BTBD2: variants seen among roughly 807,000 people sequenced by gnomAD.
BTBD2 encodes BTB domain containing 2.
In BTBD2, 15 loss-of-function variants were observed where a neutral mutation model predicts 44.0. That is an observed-to-expected ratio of 0.34 (90% confidence interval 0.23 to 0.53). BTBD2 has a LOEUF of 0.53. BTBD2 is among the 20% of genes least tolerant of loss of function. The pLI is 0.95. For synonymous variants in BTBD2, 443 were observed against 335.9 expected (o/e 1.32, Z -3.49); for missense variants, 657 against 746.4 (o/e 0.88, Z 1.39).
chr19:1,989,927 C>T, intron 5 of BTBD2, 77 bp downstream of exon 5: 1 of 1,518,098 alleles, frequency 6.6e-7, no homozygotes, highest in Non-Finnish European at 9.0e-7. Context: ...AACTCGGGGG[C>T]ACTATCCTCG....
At chr19:2,006,713 A>C (rs1319760518) in intron 1 of BTBD2, among the ~76,000 whole-genome samples, 1 of 150,474 alleles carries the variant, frequency 6.6e-6, no homozygotes, top group Non-Finnish European at 1.5e-5. Context: ...TCTGAGACGG[A>C]GTTTCACTCT....
chr19:1,988,303 AG>A, intron 5 of BTBD2: 1 of 152,646 alleles, frequency 6.6e-6, no homozygotes, highest in Non-Finnish European at 1.5e-5. Flanking sequence ...GGCTCTGGGT[AG>A]GGAGGGGAGG....
At chr19:1,992,380 A>C (rs2016191490) in intron 3 of BTBD2, among the ~76,000 whole-genome samples, 1 of 151,644 alleles carries the variant, frequency 6.6e-6, no homozygotes. Context: ...GATTACAGGC[A>C]TGAACCACAG....
chr19:1,992,966 C>G, intron 3 of BTBD2, 54 bp downstream of exon 3: 1 of 905,526 alleles, frequency 1.1e-6, no homozygotes, highest in Non-Finnish European at 1.5e-6. Context: ...CCCACCCCGG[C>G]CCCGCCTCCA....
chr19:2,002,144 C>A (rs1049972305), intron 1 of BTBD2, among the ~76,000 whole-genome samples: 1 of 152,104 alleles, frequency 6.6e-6, no homozygotes. Context: ...TGCAGTGGCA[C>A]GATCATAGCT....
intron 1 of BTBD2, among the ~76,000 whole-genome samples, chr19:2,006,594 A>G (rs112334964): frequency 0.013 from 1,984 of 152,164 alleles, 38 homozygotes; most frequent in African/African-American, 0.044. Flanking sequence ...ATCACTTGAC[A>G]AACTGATTCT....
In BTBD2 at chr19:1,987,154, T is replaced by G. The variant is rs540076203; in HGVS notation, c.1269+12A>C. ...CTGAGTGGGGCCTGGGGATGAGGCT[T>G]GGGGCTGGTACCTGGATGTTCACTT... is the stretch of plus-strand genomic sequence containing the variant. On this transcript the variant is annotated intron_variant, in intron 7 of 8. Transcript: ENST00000255608. The G allele has an allele frequency of 1.7e-4, 270 of 1,612,836 alleles. 1 individual carries two copies. The South Asian group carries it at 2.8e-3, about 17-fold the overall frequency.
chr19:1,997,341 T>C lies in BTBD2; in HGVS notation c.527+3A>G. Reference sequence around the variant, plus strand: ...CCCAGCAGGAAGCATCCGGAAGCATTACTTGAGCAGTGCGAGGAAGGCAGC... The same window carrying C: ...CCCAGCAGGAAGCATCCGGAAGCATCACTTGAGCAGTGCGAGGAAGGCAGC... On this transcript the variant is annotated splice_donor_region_variant and intron_variant, in intron 2 of 8. Coordinates refer to ENST00000255608, the MANE Select transcript of BTBD2 (RefSeq NM_017797.4). 14 of 1,614,094 alleles carry C rather than the reference T, an allele frequency of 8.7e-6. No individual in the cohort carries two copies. Among genetic ancestry groups the C allele is most frequent in the Non-Finnish European group, 1.2e-5 (14 of 1,180,016 alleles).
chr19:2,008,589 C>CTTTTTTTT (rs34228593), intron 1 of BTBD2, among the ~76,000 whole-genome samples: 10 of 126,596 alleles, frequency 7.9e-5, no homozygotes, highest in Admixed American at 3.3e-4. Flanking sequence ...CTGTGCCCAG[C>CTTTTTTTT]TTTTTTTTTT....
intron 2 of BTBD2, among the ~76,000 whole-genome samples, chr19:1,995,234 T>C (rs933547534): frequency 6.7e-6 from 1 of 150,262 alleles, no homozygotes; most frequent in Non-Finnish European, 1.5e-5. Context: ...CCCAAAGTGC[T>C]GGGATTACAG....
chr19:2,008,589 C>CTTTTTTT (rs34228593), intron 1 of BTBD2, among the ~76,000 whole-genome samples: 7 of 126,596 alleles, frequency 5.5e-5, no homozygotes, highest in East Asian at 2.3e-4. Context: ...CTGTGCCCAG[C>CTTTTTTT]TTTTTTTTTT....
At chr19:2,005,998 G>C (rs2016389661) in intron 1 of BTBD2, among the ~76,000 whole-genome samples, 2 of 151,588 alleles carry the variant, frequency 1.3e-5, no homozygotes, top group Admixed American at 1.3e-4. Context: ...TAAGGTGGGA[G>C]GACTGTTTGA....
intron 1 of BTBD2, among the ~76,000 whole-genome samples, chr19:2,005,758 G>GTGT (rs1207950219): frequency 1.3e-5 from 2 of 149,392 alleles, no homozygotes; most frequent in Admixed American, 1.3e-4. Flanking sequence ...CTCCAGCCTG[G>GTGT]GAACAAGAGC....
In BTBD2 at chr19:2,004,288, C is replaced by CT. The variant is rs60580646; in HGVS notation, c.408-6826dup. 4.0e-3 allele frequency among the ~76,000 whole-genome samples: 532 copies of CT among 133,478 alleles called. 8 individuals are homozygous for CT. The East Asian group carries it at 0.042, about 11-fold the overall frequency. The allele number at this position is 133,478 out of a possible 152,430, so 87.6% of individuals were successfully genotyped here. A position where few individuals can be genotyped will look rare whatever the true frequency, so the allele number is the denominator to read the frequency against. On this transcript the variant is annotated intron_variant, in intron 1 of 8. Transcript: ENST00000255608. ...ACATCCTTAATGTTGGCAAAACAAA[C>CT]TTTTTTTTTTTTTTTTTTGAGATGG...
At chr19:1,996,688 A>G (rs2016255772) in intron 2 of BTBD2, among the ~76,000 whole-genome samples, 1 of 151,048 alleles carries the variant, frequency 6.6e-6, no homozygotes, top group South Asian at 2.1e-4. Flanking sequence ...GTCTGAGACC[A>G]GCCTGGCCAA....
rs1374072088 is a variant in BTBD2, at chr19:1,987,379, G to GC, written c.1181+120dup. On this transcript the variant is annotated intron_variant, in intron 6 of 8. Transcript: ENST00000255608. ...GAGTCCTCCACCCCCATGCCCGGCGGCCCCCCCGCCGTCTTCATCATCCCT... is the reference window on the plus strand; with the variant it reads ...GAGTCCTCCACCCCCATGCCCGGCGGCCCCCCCCGCCGTCTTCATCATCCCT... 4.4e-5 allele frequency: 61 copies of GC among 1,371,264 alleles called. 1 individual carries two copies. The East Asian group carries it at 7.2e-4, about 16-fold the overall frequency. The allele number at this position is 1,371,264 out of a possible 1,614,324, so 84.9% of individuals were successfully genotyped here. A position where few individuals can be genotyped will look rare whatever the true frequency, so the allele number is the denominator to read the frequency against.
chr19:2,005,773 C>G (rs2016387182), intron 1 of BTBD2, among the ~76,000 whole-genome samples: 1 of 135,566 alleles, frequency 7.4e-6, no homozygotes, highest in African/African-American at 3.0e-5. Flanking sequence ...AAGAGCAAAA[C>G]TCCGTCTCAA....
intron 1 of BTBD2, among the ~76,000 whole-genome samples, chr19:2,012,744 CT>C (rs1388549759): frequency 6.6e-6 from 1 of 152,190 alleles, no homozygotes; most frequent in East Asian, 1.9e-4. Context: ...CCCTCACCTA[CT>C]TTTCTCCAAG....
At position 2,001,275 on chromosome 19, in the gene BTBD2, T is replaced by C. The variant is rs150185572; in HGVS notation, c.408-3812A>G. On this transcript the variant is annotated intron_variant, in intron 1 of 8. Coordinates refer to ENST00000255608, the MANE Select transcript of BTBD2 (RefSeq NM_017797.4). ...CACTTTGGGGGGCCGAGGCAGTGGA[T>C]CACGAGGTCAGGAGATCAAGACCAT... Among the ~76,000 whole-genome samples the C allele has an allele frequency of 4.9e-3, 738 of 151,804 alleles. 5 individuals carry two copies. The highest frequency in any genetic ancestry group is 0.017 in the African/African-American group (694 of 41,360).
Sources: gnomAD v4.1 joint callset for allele counts (sites outside exome capture counted in the v4.1 genomes callset) on GRCh38, gnomAD v4.1.1 for gene constraint, MANE v1.5 for transcripts, NCBI Gene and HGNC (gene_info 2026-07-23, HGNC 2026-07-21) for gene names.